Variants in PSME4 observed in about 807,000 individuals in gnomAD.
The protein encoded by PSME4 is proteasome activator subunit 4.
A neutral mutation model predicts 253.9 loss-of-function variants in PSME4; 89 were observed. That is an observed-to-expected ratio of 0.35 (90% CI 0.30 to 0.42). The LOEUF (loss-of-function observed/expected upper bound fraction) is 0.42, where lower values mean the gene tolerates loss of function less well. Among genes scored for constraint, PSME4 ranks in the 10% least tolerant of loss-of-function variants. The pLI, the probability that PSME4 is intolerant of heterozygous loss-of-function variation, is 1.00. For synonymous variants in PSME4, 851 were observed against 759.2 expected, an observed-to-expected ratio of 1.12 and a Z score of -1.99; for missense variants, 2,014 against 2,195.2, an observed-to-expected ratio of 0.92 and a Z score of 1.65.
Position 53,969,013 on chromosome 2 carries a change from T to C in PSME4, c.242+1530A>G, listed in dbSNP as rs573470831. 2.0e-4 allele frequency among the ~76,000 whole-genome samples: 30 copies of C among 152,344 alleles called. No individual in the cohort carries two copies. In the South Asian group the frequency reaches 6.0e-3, roughly 31 times the overall value. On this transcript the variant is annotated intron_variant, in intron 1 of 46. Coordinates refer to ENST00000404125, the MANE Select transcript of PSME4 (RefSeq NM_014614.3). ...GCGTCCCCAAAAATGGTAGGTATTC[T>C]CTGGCAAGTCTAATCCAAGTGATTA...
intron 12 of PSME4, among the ~76,000 whole-genome samples, chr2:53,926,689 G>A (rs1668571117): frequency 6.6e-6 from 1 of 150,922 alleles, no homozygotes; most frequent in Non-Finnish European, 1.5e-5. Context: ...AAATAGTTCT[G>A]GGGGCTGGGT....
chr2:53,868,571 A>AATAAATATAT (rs1678714028), intron 44 of PSME4, among the ~76,000 whole-genome samples: 2 of 120,178 alleles, frequency 1.7e-5, no homozygotes, highest in African/African-American at 6.3e-5. Context: ...TATAATATAT[A>AATAAATATAT]TTATAAAATA....
intron 28 of PSME4, 39 bp from the exon 29 acceptor site, chr2:53,900,056 C>A: frequency 6.4e-7 from 1 of 1,571,792 alleles, no homozygotes; most frequent in South Asian, 1.1e-5. Flanking sequence ...AAATGAAGTT[C>A]TGATGCATAC....
At chr2:53,963,727 T>A (rs1670594171) in intron 1 of PSME4, among the ~76,000 whole-genome samples, 2 of 152,218 alleles carry the variant, frequency 1.3e-5, no homozygotes. Context: ...AAATGGAAAC[T>A]CAGAAGTAAA....
intron 41 of PSME4, among the ~76,000 whole-genome samples, chr2:53,879,177 C>G (rs1035332854): frequency 2.7e-5 from 4 of 150,336 alleles, no homozygotes; most frequent in Non-Finnish European, 5.9e-5. Context: ...TGTCTACCCT[C>G]CTACCTCAAA....
chr2:53,965,498 G>A (rs1268908052), intron 1 of PSME4, among the ~76,000 whole-genome samples: 3 of 151,960 alleles, frequency 2.0e-5, no homozygotes, highest in Admixed American at 6.6e-5. Flanking sequence ...TTACAGGCGT[G>A]AGCCGCCACA....
intron 1 of PSME4, among the ~76,000 whole-genome samples, chr2:53,968,453 G>A (rs1670857143): frequency 1.3e-5 from 2 of 151,826 alleles, no homozygotes; most frequent in African/African-American, 2.4e-5. Context: ...CTCAGCTTTC[G>A]TCACACGTTT....
chr2:53,890,254 C>T, intron 36 of PSME4, 46 bp from the exon 37 acceptor site: 1 of 1,273,158 alleles, frequency 7.9e-7, no homozygotes, highest in Non-Finnish European at 1.1e-6. Context: ...ACACTCAGAA[C>T]ATTTTTCTTC....
intron 7 of PSME4, 59 bp downstream of exon 7, chr2:53,936,028 G>A: frequency 6.4e-7 from 1 of 1,560,894 alleles, no homozygotes; most frequent in South Asian, 1.2e-5. Flanking sequence ...CGAGCAGCTG[G>A]GATTACAGGC....
intron 25 of PSME4, 51 bp from the exon 26 acceptor site, chr2:53,906,744 C>T (rs769746601): frequency 1.9e-6 from 3 of 1,599,296 alleles, no homozygotes; most frequent in Non-Finnish European, 2.6e-6. Context: ...GAAAACAAAA[C>T]TAAATACTCA....
chr2:53,874,459 T>C lies in PSME4; in HGVS notation c.4980A>G (p.Thr1660=). Residue 1660 remains threonine, a synonymous_variant, in exon 43 of 47, where the codon ACA becomes ACG. Transcript: ENST00000404125. ...ARSSSWHARY[T]VLTYLQTMVF... is the part of the protein sequence containing the mutation. ...CCATGGTCTGGAGGTAGGTCAGTAC[T>C]GTGTATCGTGCATGCCAAGAACTGC... 2 of 1,614,000 alleles carry C rather than the reference T, an allele frequency of 1.2e-6. No individual in the cohort carries two copies.
intron 1 of PSME4, among the ~76,000 whole-genome samples, chr2:53,965,662 G>GTTT (rs1259494431): frequency 8.9e-6 from 1 of 112,836 alleles, no homozygotes; most frequent in African/African-American, 3.2e-5. Flanking sequence ...TTGGTTGTGT[G>GTTT]TTTTTTTGTT....
Position 53,864,227 on chromosome 2 carries a change from A to C in PSME4, c.*1351T>G, listed in dbSNP as rs1678465085. ...CTGTATTCAGTCATTCAGCATGTAG[A>C]TACTAAAAATATACTGTAGTGTTCC... is the stretch of plus-strand genomic sequence containing the variant. On this transcript the variant is annotated 3_prime_UTR_variant, in exon 47 of 47. Transcript: ENST00000404125. The C allele has an allele frequency of 6.6e-6, 1 of 152,266 alleles. No homozygotes were observed. Among genetic ancestry groups the C allele is most frequent in the South Asian group, 2.1e-4 (1 of 4,826 alleles). 9.4% of individuals were successfully genotyped at this position (152,266 alleles called of 1,614,324 possible).
In PSME4 at chr2:53,919,243, ATCTC is replaced by A; in HGVS notation, c.2421-1_2423del. The A allele has an allele frequency of 6.4e-7, 1 of 1,566,584 alleles. No individual in the cohort carries two copies. The highest frequency in any genetic ancestry group is 2.1e-5 in the Admixed American group (1 of 48,612). On this transcript the variant is annotated splice_acceptor_variant and coding_sequence_variant, in exon 20 of 47. Transcript: ENST00000404125. LOFTEE classifies it high-confidence loss of function. ...CTATAGTCAGACTCTGTAGAATATC[ATCTC>A]TAGAAAAAAAAAAAAGACATTTTCA...
chr2:53,963,579 G>A (rs911464649), intron 1 of PSME4, among the ~76,000 whole-genome samples: 8 of 152,106 alleles, frequency 5.3e-5, no homozygotes, highest in South Asian at 2.1e-4. Flanking sequence ...GTTACCCCAG[G>A]ATTGAGTCTA....
At chr2:53,882,592 T>C (rs1166451170) in intron 41 of PSME4, among the ~76,000 whole-genome samples, 1 of 152,162 alleles carries the variant, frequency 6.6e-6, no homozygotes, top group Non-Finnish European at 1.5e-5. Context: ...GATTACCTAA[T>C]TAGTTCATGG....
chr2:53,965,390 C>G (rs1305043868), intron 1 of PSME4, among the ~76,000 whole-genome samples: 1 of 151,830 alleles, frequency 6.6e-6, no homozygotes, highest in African/African-American at 2.4e-5. Context: ...TGCCACCATA[C>G]CAGCCTAAAT....
At chr2:53,958,334 CCA>C (rs984078281) in intron 1 of PSME4, among the ~76,000 whole-genome samples, 36 of 151,666 alleles carry the variant, frequency 2.4e-4, no homozygotes, top group African/African-American at 8.2e-4. Context: ...CCAGGCTGGG[CCA>C]CAGAGTGAGA....
intron 41 of PSME4, among the ~76,000 whole-genome samples, chr2:53,877,579 G>C (rs1679195492): frequency 6.6e-6 from 1 of 152,130 alleles, no homozygotes; most frequent in African/African-American, 2.4e-5. Context: ...GGGGTAGGAG[G>C]TTTCCTCCTA....
Sources: gnomAD v4.1 joint callset for allele counts (sites outside exome capture counted in the v4.1 genomes callset) on GRCh38, gnomAD v4.1.1 for gene constraint, MANE v1.5 for transcripts, NCBI Gene and HGNC (gene_info 2026-07-23, HGNC 2026-07-21) for gene names.